NVL: variants seen among roughly 807,000 people sequenced by gnomAD.
NVL encodes the protein nuclear VCP like, also known as nuclear valosin-containing protein-like.
In NVL, 84 loss-of-function variants were observed where a neutral mutation model predicts 110.2. That is an observed-to-expected ratio of 0.76 (90% CI 0.64 to 0.91). The LOEUF is 0.91. Among genes scored for constraint, NVL ranks in the 40% least tolerant of loss-of-function variants. The pLI is 0.00. For synonymous variants in NVL, 354 were observed against 361.1 expected (o/e 0.98, Z 0.22); for missense variants, 882 against 1,035.9 (o/e 0.85, Z 2.04).
rs780449147 is a variant in NVL, at chr1:224,267,941, GTT to G, written c.2182+91_2182+92del. On this transcript the variant is annotated intron_variant, in intron 18 of 22. Coordinates refer to ENST00000281701, the MANE Select transcript of NVL (RefSeq NM_002533.4). The stretch of plus-strand genomic sequence containing the variant: ...ATTATATTGTTTATAAATGCTACTA[GTT>G]TTTACTTTTATTTTTAATTATCTGA... 3 of 855,124 alleles carry G rather than the reference GTT, an allele frequency of 3.5e-6. No individual in the cohort carries two copies. In the African/African-American group the frequency reaches 5.2e-5, roughly 15 times the overall value. The allele number at this position is 855,124 out of a possible 1,614,324, so 53.0% of individuals were successfully genotyped here. A position where few individuals can be genotyped will look rare whatever the true frequency, so the allele number is the denominator to read the frequency against.
chr1:224,232,368 AAAAATAAAAATAAC>A (rs1281647941), intron 21 of NVL, among the ~76,000 whole-genome samples: 3 of 151,882 alleles, frequency 2.0e-5, no homozygotes, highest in African/African-American at 7.2e-5. Flanking sequence ...ATAAATAAAT[AAAAATAAAAATAAC>A]AAAATAAAAA....
chr1:224,304,236 C>T (rs375081305), intron 8 of NVL, among the ~76,000 whole-genome samples: 32 of 152,174 alleles, frequency 2.1e-4, no homozygotes, highest in Admixed American at 6.6e-4. Context: ...ACCATCCTGG[C>T]CAACATGGTG....
intron 10 of NVL, among the ~76,000 whole-genome samples, chr1:224,299,787 C>T (rs538469288): frequency 2.6e-5 from 4 of 152,186 alleles, no homozygotes; most frequent in South Asian, 2.1e-4. Context: ...AACGTCAGCC[C>T]GCACCATAAC....
At chr1:224,255,421 T>C (rs2102777835) in intron 18 of NVL, among the ~76,000 whole-genome samples, 1 of 151,576 alleles carries the variant, frequency 6.6e-6, no homozygotes, top group Admixed American at 6.6e-5. Flanking sequence ...CTCGATCTCC[T>C]GACCTTGTGA....
Position 224,275,476 on chromosome 1 carries a change from G to A in NVL, c.1963-18C>T. The A allele has an allele frequency of 6.2e-7, 1 of 1,613,626 alleles. No individual in the cohort carries two copies. Among genetic ancestry groups the A allele is most frequent in the Non-Finnish European group, 8.5e-7 (1 of 1,179,844 alleles). On this transcript the variant is annotated intron_variant, in intron 16 of 22. Coordinates refer to ENST00000281701, the MANE Select transcript of NVL (RefSeq NM_002533.4). Reference sequence around the variant, plus strand: ...CCAACATACTAAACATACACAGAAAGGAAATAAAATACCAACAGTTCAACT... The same window carrying A: ...CCAACATACTAAACATACACAGAAAAGAAATAAAATACCAACAGTTCAACT...
At chr1:224,310,834 G>A (rs568097305) in intron 5 of NVL, among the ~76,000 whole-genome samples, 5 of 152,082 alleles carry the variant, frequency 3.3e-5, no homozygotes, top group South Asian at 4.1e-4. Flanking sequence ...GGGCTCAAGC[G>A]ATCCTCCAGC....
intron 2 of NVL, among the ~76,000 whole-genome samples, chr1:224,323,970 T>G (rs1670905508): frequency 6.6e-6 from 1 of 152,234 alleles, no homozygotes. Flanking sequence ...CATTGTACAA[T>G]TGTGCATCAC....
intron 18 of NVL, among the ~76,000 whole-genome samples, chr1:224,267,302 T>TA (rs1664586561): frequency 6.6e-6 from 1 of 152,210 alleles, no homozygotes; most frequent in African/African-American, 2.4e-5. Flanking sequence ...AATCTATCTT[T>TA]AACTTCTACT....
intron 15 of NVL, among the ~76,000 whole-genome samples, chr1:224,282,004 G>A (rs1666398825): frequency 6.7e-6 from 1 of 149,636 alleles, no homozygotes; most frequent in African/African-American, 2.4e-5. Context: ...AATGGATAAA[G>A]GGAAAATCAA....
chr1:224,329,194 C>T (rs1671439237), intron 1 of NVL, among the ~76,000 whole-genome samples: 1 of 151,732 alleles, frequency 6.6e-6, no homozygotes, highest in Non-Finnish European at 1.5e-5. Context: ...TGCACTCTAG[C>T]CTGGGCAACA....
Position 224,255,189 on chromosome 1 carries a change from T to TG in NVL, c.2183-4872_2183-4871insC, listed in dbSNP as rs1186871722. Among the ~76,000 whole-genome samples the TG allele has an allele frequency of 1.4e-3, 182 of 134,426 alleles. 2 individuals are homozygous for TG. In the East Asian group the frequency reaches 0.034, roughly 25 times the overall value. The allele number at this position is 134,426 out of a possible 152,430, so 88.2% of individuals were successfully genotyped here. On this transcript the variant is annotated intron_variant, in intron 18 of 22. Transcript: ENST00000281701. Reference sequence around the variant, plus strand: ...TGGCCCAAAATGGTGTAGGTTTTTTTTTTTTTTTTTTTTTTCCTGAGACAG... The same window carrying TG: ...TGGCCCAAAATGGTGTAGGTTTTTTTGTTTTTTTTTTTTTTTCCTGAGACAG...
Position 224,268,086 on chromosome 1 carries a change from A to T in NVL, c.2130T>A (p.Asp710Glu), listed in dbSNP as rs763872322. ...AAACCTGCTGGCGTGCTTCCAGACC[A>T]TCCATCTCTGTAAGTAGCTGATTCA... is the stretch of plus-strand genomic sequence containing the variant. Reference protein sequence around the residue: ...RVVNQLLTEMDGLEARQQVFI... With the variant: ...RVVNQLLTEMEGLEARQQVFI... Residue 710 changes from aspartate (D) to glutamate (E), a missense_variant, in exon 18 of 23, where the codon GAT becomes GAA. Transcript: ENST00000281701. 6.2e-7 allele frequency: 1 copy of T among 1,614,108 alleles called. No homozygotes were observed. Among genetic ancestry groups the T allele is most frequent in the South Asian group, 1.1e-5 (1 of 91,070 alleles).
chr1:224,319,901 T>C (rs1175067902), intron 2 of NVL, among the ~76,000 whole-genome samples: 1 of 152,212 alleles, frequency 6.6e-6, no homozygotes, highest in Non-Finnish European at 1.5e-5. Context: ...AATTGCTTCT[T>C]TGGTTTTCCT....
chr1:224,238,956 T>C (rs886622404), intron 19 of NVL, among the ~76,000 whole-genome samples: 1 of 152,132 alleles, frequency 6.6e-6, no homozygotes, highest in African/African-American at 2.4e-5. Context: ...AAGAAAACAA[T>C]GCATCCATTA....
intron 18 of NVL, among the ~76,000 whole-genome samples, chr1:224,261,832 G>A (rs538406909): frequency 5.9e-5 from 9 of 151,440 alleles, no homozygotes; most frequent in South Asian, 2.1e-4. Context: ...GTAGTGGTGC[G>A]TGCCTGTAGT....
At chr1:224,318,029 C>T (rs1038568155) in intron 2 of NVL, 99 bp from the exon 3 acceptor site, 1 of 779,708 alleles carries the variant, frequency 1.3e-6, no homozygotes, top group Non-Finnish European at 2.1e-6. Flanking sequence ...ATGAATATTT[C>T]ATTGTTACAG....
intron 19 of NVL, among the ~76,000 whole-genome samples, chr1:224,239,939 C>G (rs1175544918): frequency 1.3e-5 from 2 of 152,154 alleles, no homozygotes; most frequent in African/African-American, 4.8e-5. Context: ...CGCTGTGTCA[C>G]CAGGCTGGAG....
chr1:224,303,658 G>A (rs114612506), intron 9 of NVL, 65 bp downstream of exon 9: 4 of 1,555,036 alleles, frequency 2.6e-6, no homozygotes, highest in Admixed American at 3.7e-5. Flanking sequence ...TGACCAAAGA[G>A]AAAAAACAAA....
intron 18 of NVL, among the ~76,000 whole-genome samples, chr1:224,257,590 G>A (rs1663434117): frequency 6.6e-6 from 1 of 151,982 alleles, no homozygotes; most frequent in African/African-American, 2.4e-5. Flanking sequence ...GTGCAGTGGT[G>A]TATCATAGCT....
Sources: gnomAD v4.1 joint callset for allele counts (sites outside exome capture counted in the v4.1 genomes callset) on GRCh38, gnomAD v4.1.1 for gene constraint, MANE v1.5 for transcripts, NCBI Gene and HGNC (gene_info 2026-07-23, HGNC 2026-07-21) for gene names.